The following CFAP95 variants were observed in gnomAD, a reference collection of about 807,000 sequenced individuals.
CFAP95 encodes cilia and flagella associated protein 95.
the CFAP95 span, among the ~76,000 whole-genome samples, chr9:69,862,006 A>T: frequency 6.6e-6 from 1 of 152,078 alleles, no homozygotes; most frequent in Admixed American, 6.5e-5. Flanking sequence ...CACTATTAAT[A>T]TTTGTTGCAA....
At chr9:69,905,969 G>T in the CFAP95 span, 3 of 1,604,162 alleles carry the variant, frequency 1.9e-6, no homozygotes, top group Non-Finnish European at 2.6e-6. Flanking sequence ...TCCCTGTCAA[G>T]ATGATTATTC....
chr9:69,880,108 T>C, the CFAP95 span, among the ~76,000 whole-genome samples: 1 of 152,210 alleles, frequency 6.6e-6, no homozygotes, highest in Non-Finnish European at 1.5e-5. Context: ...TGGGTATCCA[T>C]CCTCTCAAGC....
chr9:69,836,774 C>A, the CFAP95 span, among the ~76,000 whole-genome samples: 2 of 145,808 alleles, frequency 1.4e-5, no homozygotes. Flanking sequence ...TACATGTGCA[C>A]ATTGTGCAGG....
the CFAP95 span, among the ~76,000 whole-genome samples, chr9:69,864,853 T>G: frequency 6.6e-6 from 1 of 152,226 alleles, no homozygotes; most frequent in Non-Finnish European, 1.5e-5. Context: ...GTTTTCTACT[T>G]ATGCATTTGT....
At chr9:69,857,810 G>A in the CFAP95 span, 3 of 1,049,474 alleles carry the variant, frequency 2.9e-6, no homozygotes, top group African/African-American at 1.6e-5. Context: ...TTACAGGCGT[G>A]AGCCACTGCG....
the CFAP95 span, among the ~76,000 whole-genome samples, chr9:69,877,662 G>A: frequency 6.6e-6 from 1 of 152,110 alleles, no homozygotes; most frequent in Non-Finnish European, 1.5e-5. Flanking sequence ...GCTGAAACTT[G>A]CCTATTGTTA....
the CFAP95 span, among the ~76,000 whole-genome samples, chr9:69,874,359 G>A: frequency 3.4e-4 from 52 of 152,300 alleles, no homozygotes; most frequent in African/African-American, 1.2e-3. Context: ...TCATCAGAAT[G>A]TTGTTCACTC....
the CFAP95 span, among the ~76,000 whole-genome samples, chr9:69,869,449 G>A: frequency 3.9e-5 from 6 of 152,128 alleles, no homozygotes; most frequent in South Asian, 1.2e-3. Context: ...AGGACCTGAG[G>A]GGTGGGAGAA....
chr9:69,886,852 C>T, the CFAP95 span: 56 of 1,612,792 alleles, frequency 3.5e-5, no homozygotes, highest in African/African-American at 1.9e-4. Flanking sequence ...GCATTGACAA[C>T]GTACTCAGAA....
chr9:69,835,967 C>T, the CFAP95 span, among the ~76,000 whole-genome samples: 15 of 152,166 alleles, frequency 9.9e-5, no homozygotes, highest in Admixed American at 1.3e-4. Context: ...TGGCTTGGGG[C>T]AGCCTTGGGG....
chr9:69,852,850 C>G, the CFAP95 span, among the ~76,000 whole-genome samples: 2 of 152,146 alleles, frequency 1.3e-5, no homozygotes, highest in Admixed American at 1.3e-4. Flanking sequence ...GATCTAATGG[C>G]TTTAAAAACT....
chr9:69,894,643 A>G, the CFAP95 span, among the ~76,000 whole-genome samples: 1 of 152,234 alleles, frequency 6.6e-6, no homozygotes, highest in Non-Finnish European at 1.5e-5. Context: ...GAGTAATAAC[A>G]CACCATGTAA....
chr9:69,832,884 T>C, the CFAP95 span, among the ~76,000 whole-genome samples: 1 of 151,970 alleles, frequency 6.6e-6, no homozygotes, highest in South Asian at 2.1e-4. Flanking sequence ...TGGGAAATAG[T>C]TTTTCTTAGA....
chr9:69,861,742 A>C, the CFAP95 span, among the ~76,000 whole-genome samples: 13 of 151,002 alleles, frequency 8.6e-5, no homozygotes, highest in South Asian at 1.3e-3. Context: ...AAAAAAAAAA[A>C]AAAAAAAAAA....
the CFAP95 span, among the ~76,000 whole-genome samples, chr9:69,824,596 A>G: frequency 2.8e-5 from 4 of 144,448 alleles, no homozygotes; most frequent in Admixed American, 2.8e-4. Context: ...TTTGTTTGCT[A>G]TATGGTAAAA....
At chr9:69,860,454 C>T in the CFAP95 span, among the ~76,000 whole-genome samples, 1 of 152,118 alleles carries the variant, frequency 6.6e-6, no homozygotes, top group South Asian at 2.1e-4. Context: ...ACCCAAACAC[C>T]TCTCATCGGA....
chr9:69,859,213 C>T, the CFAP95 span, among the ~76,000 whole-genome samples: 1 of 152,032 alleles, frequency 6.6e-6, no homozygotes, highest in South Asian at 2.1e-4. Flanking sequence ...ATTTCTTGTC[C>T]TGATCCTAAA....
At chr9:69,823,161 C>T in the CFAP95 span, among the ~76,000 whole-genome samples, 17 of 152,138 alleles carry the variant, frequency 1.1e-4, no homozygotes, top group African/African-American at 3.9e-4. Flanking sequence ...AAAGCAAGCA[C>T]CTTCTTCACA....
the CFAP95 span, among the ~76,000 whole-genome samples, chr9:69,878,377 G>C: frequency 6.6e-6 from 1 of 152,070 alleles, no homozygotes; most frequent in Non-Finnish European, 1.5e-5. Context: ...CCTTCTGTGG[G>C]TGCTGTCCTC....
Sources: gnomAD v4.1 joint callset for allele counts (sites outside exome capture counted in the v4.1 genomes callset) on GRCh38, gnomAD v4.1.1 for gene constraint, MANE v1.5 for transcripts, NCBI Gene and HGNC (gene_info 2026-07-23, HGNC 2026-07-21) for gene names.